ADGRG6: variants seen among roughly 807,000 people sequenced by gnomAD.
ADGRG6 encodes G-protein coupled receptor 126.
Under a neutral mutation model 142.4 loss-of-function variants are expected in ADGRG6, and 84 were observed. That is an observed-to-expected ratio of 0.59 (90% CI 0.49 to 0.71). The LOEUF (loss-of-function observed/expected upper bound fraction) is 0.71, where lower values mean the gene tolerates loss of function less well. Ranked by LOEUF, ADGRG6 falls within the 30% of genes least tolerant of loss-of-function variation. The pLI is 0.00. For synonymous variants in ADGRG6, 521 were observed against 520.5 expected (o/e 1.00, Z -0.01); for missense variants, 1,367 against 1,466.6 (o/e 0.93, Z 1.11).
chr6:142,319,366 G>A (rs1281519175), intron 2 of ADGRG6, among the ~76,000 whole-genome samples: 1 of 152,122 alleles, frequency 6.6e-6, no homozygotes, highest in Admixed American at 6.6e-5. Context: ...TGGGTCCAAA[G>A]TAAATCGGAC....
Position 142,402,708 on chromosome 6 carries a change from A to C in ADGRG6, c.1833A>C (p.Glu611Asp), listed in dbSNP as rs1775583130. The C allele has an allele frequency of 6.2e-7, 1 of 1,606,130 alleles. No individual in the cohort carries two copies. The highest frequency in any genetic ancestry group is 8.5e-7 in the Non-Finnish European group (1 of 1,173,476). ...CAGCCAATATTACCAACATTGTGGA[A>C]CAGGTCAAAAGAATTGTGAATAAAG... ...LTSANITNIV[E>D]QVKRIVNKEE... Residue 611 changes from glutamate (E) to aspartate (D), a missense_variant, in exon 13 of 25, where the codon GAA becomes GAC. Glu to Asp is a conservative substitution (Grantham distance 45). Around this residue, in one of 3 missense-constraint regions of ADGRG6, gnomAD observed 737 missense variants for 746.5 expected, o/e 0.99. Coordinates refer to ENST00000367609, the MANE Select transcript of ADGRG6 (RefSeq NM_198569.3).
chr6:142,352,968 T>C (rs1378188207), intron 2 of ADGRG6, among the ~76,000 whole-genome samples: 1 of 152,094 alleles, frequency 6.6e-6, no homozygotes, highest in Non-Finnish European at 1.5e-5. Context: ...CCCTCTCCTT[T>C]CTCTCTCTCC....
In ADGRG6 at chr6:142,438,287, T is replaced by C; in HGVS notation, c.3497T>C (p.Ile1166Thr). 2 of 1,606,178 alleles carry C rather than the reference T, an allele frequency of 1.2e-6. No homozygotes were observed. Among genetic ancestry groups the C allele is most frequent in the Admixed American group, 1.7e-5 (1 of 59,556 alleles). Residue 1166 changes from isoleucine to threonine, a missense_variant, in exon 24 of 25, where the codon ATT (isoleucine) becomes ACT (threonine). Ile to Thr is a moderately conservative substitution (Grantham distance 89). Transcript: ENST00000367609. The part of the protein sequence containing the change: ...NLGKSLSSSS[I>T]GSNSTYLTSK... ...GGAAAATCTTTGTCTTCAAGCTCCATTGGTTCCAACTCAACCTATCTTACA... is the reference window on the plus strand; with the variant it reads ...GGAAAATCTTTGTCTTCAAGCTCCACTGGTTCCAACTCAACCTATCTTACA...
At chr6:142,352,676 T>C (rs1028221740) in intron 2 of ADGRG6, among the ~76,000 whole-genome samples, 5 of 152,162 alleles carry the variant, frequency 3.3e-5, no homozygotes, top group Admixed American at 6.5e-5. Flanking sequence ...TGTTGGATAT[T>C]GTATGTATTT....
chr6:142,392,132 C>A (rs1388544167), intron 7 of ADGRG6, among the ~76,000 whole-genome samples: 1 of 151,632 alleles, frequency 6.6e-6, no homozygotes, highest in African/African-American at 2.4e-5. Flanking sequence ...ATTTTTTTTG[C>A]CAGGATTCCC....
chr6:142,408,230 G>C lies in ADGRG6; in HGVS notation c.2349G>C (p.Lys783Asn). Reference sequence around the variant, plus strand: ...GAAACATTACTATCCAGAATCTGAAGGATCCTGTTCAAATAAAAATCAAAC... The same window carrying C: ...GAAACATTACTATCCAGAATCTGAACGATCCTGTTCAAATAAAAATCAAAC... ...SIGNITIQNL[K>N]DPVQIKIKHT... The change falls in exon 16 of 25, where the codon AAG becomes AAC. Residue 783 changes from lysine (K) to asparagine (N), a missense_variant. By Grantham distance (94) the Lys-to-Asn change is moderately conservative. Around this residue, in one of 3 missense-constraint regions of ADGRG6, gnomAD observed 286 missense variants for 371.4 expected, o/e 0.77. Coordinates refer to ENST00000367609, the MANE Select transcript of ADGRG6 (RefSeq NM_198569.3). 1 of 1,580,556 alleles carries C rather than the reference G, an allele frequency of 6.3e-7. No homozygotes were observed. Among genetic ancestry groups the C allele is most frequent in the Non-Finnish European group, 8.6e-7 (1 of 1,160,074 alleles).
At chr6:142,326,441 A>T (rs969904049) in intron 2 of ADGRG6, among the ~76,000 whole-genome samples, 3 of 152,126 alleles carry the variant, frequency 2.0e-5, no homozygotes, top group Admixed American at 2.0e-4. Flanking sequence ...TTTTAGAAAG[A>T]TAATTGGCAT....
chr6:142,344,005 C>A (rs1352685940), intron 2 of ADGRG6, among the ~76,000 whole-genome samples: 2 of 151,926 alleles, frequency 1.3e-5, no homozygotes, highest in Non-Finnish European at 2.9e-5. Flanking sequence ...TATGAAATAT[C>A]TTTCTGTTGA....
chr6:142,442,194 TA>T, intron 24 of ADGRG6, among the ~76,000 whole-genome samples: 1 of 152,350 alleles, frequency 6.6e-6, no homozygotes, highest in South Asian at 2.1e-4. Context: ...CCATGATTTC[TA>T]AAAATTTTTC....
At chr6:142,316,075 A>G (rs1431213398) in intron 2 of ADGRG6, among the ~76,000 whole-genome samples, 1 of 152,122 alleles carries the variant, frequency 6.6e-6, no homozygotes, top group African/African-American at 2.4e-5. Flanking sequence ...GATTTTTCTC[A>G]GGAAAATGGT....
chr6:142,396,475 C>T (rs1775202700), intron 9 of ADGRG6, among the ~76,000 whole-genome samples: 1 of 152,094 alleles, frequency 6.6e-6, no homozygotes, highest in Non-Finnish European at 1.5e-5. Context: ...TTTAATTTCA[C>T]CTAGCCTTGA....
chr6:142,340,419 T>G (rs1329143193), intron 2 of ADGRG6, among the ~76,000 whole-genome samples: 1 of 152,158 alleles, frequency 6.6e-6, no homozygotes, highest in Non-Finnish European at 1.5e-5. Flanking sequence ...GTCTGTGAAT[T>G]TAGCTCACTA....
intron 15 of ADGRG6, among the ~76,000 whole-genome samples, chr6:142,406,156 T>G (rs976213128): frequency 2.0e-5 from 3 of 151,018 alleles, no homozygotes; most frequent in African/African-American, 7.3e-5. Flanking sequence ...ATTTAGGCCT[T>G]TACAGTTAAA....
Position 142,419,897 on chromosome 6 carries a change from G to T in ADGRG6, c.3112G>T (p.Ala1038Ser). 1 of 1,612,516 alleles carries T rather than the reference G, an allele frequency of 6.2e-7. No homozygotes were observed. Among genetic ancestry groups the T allele is most frequent in the Non-Finnish European group, 8.5e-7 (1 of 1,178,810 alleles). The change falls in exon 22 of 25, where the codon GCC becomes TCC. Residue 1038 changes from alanine to serine, a missense_variant. By Grantham distance (99) the Ala-to-Ser change is moderately conservative. Transcript: ENST00000367609. ...TGGAGTCATGTTTTTTCTGAACATT[G>T]CCATGTTCATTGTGGTAATGGTGCA... ...YFGVMFFLNI[A>S]MFIVVMVQIC...
intron 2 of ADGRG6, among the ~76,000 whole-genome samples, chr6:142,329,511 A>G (rs763301759): frequency 4.6e-5 from 7 of 152,074 alleles, no homozygotes; most frequent in Non-Finnish European, 1.0e-4. Flanking sequence ...AGCCTTTTGC[A>G]TCTATTTTGT....
intron 18 of ADGRG6, among the ~76,000 whole-genome samples, chr6:142,412,410 C>T (rs1776133828): frequency 6.6e-6 from 1 of 152,122 alleles, no homozygotes; most frequent in Non-Finnish European, 1.5e-5. Flanking sequence ...CACCCTTCTT[C>T]CTGTGGGGAC....
At chr6:142,335,050 A>C (rs1006294748) in intron 2 of ADGRG6, among the ~76,000 whole-genome samples, 3 of 152,226 alleles carry the variant, frequency 2.0e-5, no homozygotes, top group African/African-American at 7.2e-5. Context: ...GCATTCTGAC[A>C]GGAAAGGGCT....
In ADGRG6 at chr6:142,438,352, A is replaced by T; in HGVS notation, c.3562A>T (p.Asn1188Tyr). The change falls in exon 24 of 25, where the codon AAT (asparagine) becomes TAT (tyrosine). Residue 1188 changes from asparagine (N) to tyrosine (Y), a missense_variant. Asn to Tyr is a moderately radical substitution (Grantham distance 143). This residue lies in a region of ADGRG6 where 344 missense variants were observed against 348.7 expected (regional missense o/e 0.99). Coordinates refer to ENST00000367609, the MANE Select transcript of ADGRG6 (RefSeq NM_198569.3). ...KSSSTTYFKR[N>Y]SHTDSASMDK... Reference sequence around the variant, plus strand: ...CAGCTCTACCACCTATTTCAAAAGGAATAGCCACACAGGTGAGTCTAAAGA... The same window carrying T: ...CAGCTCTACCACCTATTTCAAAAGGTATAGCCACACAGGTGAGTCTAAAGA... 6.2e-7 allele frequency: 1 copy of T among 1,607,564 alleles called. No homozygotes were observed. Among genetic ancestry groups the T allele is most frequent in the Non-Finnish European group, 8.5e-7 (1 of 1,177,012 alleles).
chr6:142,382,035 C>T lies in ADGRG6; in HGVS notation c.1138+16C>T, dbSNP rs764492961. 2.0e-5 allele frequency: 30 copies of T among 1,519,304 alleles called. 1 individual carries two copies. Among genetic ancestry groups the T allele is most frequent in the Middle Eastern group, 1.7e-4 (1 of 5,900 alleles). The allele number at this position is 1,519,304 out of a possible 1,614,324, so 94.1% of individuals were successfully genotyped here. ...CTCTGTCAAGGTAGGGAGCCCACAC[C>T]GTGCTCTGGAATCTCTTTGCTTTCT... is the stretch of plus-strand genomic sequence containing the variant. On this transcript the variant is annotated intron_variant, in intron 5 of 24. Transcript: ENST00000367609.
Sources: gnomAD v4.1 joint callset for allele counts (sites outside exome capture counted in the v4.1 genomes callset) on GRCh38, gnomAD v4.1.1 for gene constraint, gnomAD v4.1.1 regional missense constraint, MANE v1.5 for transcripts, NCBI Gene and HGNC (gene_info 2026-07-23, HGNC 2026-07-21) for gene names.